Variants in WWOX observed in about 807,000 individuals in gnomAD.
WWOX encodes the protein WW domain containing oxidoreductase.
Under a neutral mutation model 46.2 loss-of-function variants are expected in WWOX, and 69 were observed. That is an observed-to-expected ratio of 1.49 (90% CI 1.23 to 1.82). The LOEUF (loss-of-function observed/expected upper bound fraction) is 1.82, where lower values mean the gene tolerates loss of function less well. Ranked by LOEUF, WWOX falls within the 40% of genes most tolerant of loss-of-function variation. WWOX has a pLI of 0.00. For missense variants in WWOX, 919 were observed against 542.6 expected (o/e 1.69, Z -6.89); for synonymous variants, 359 against 202.6 (o/e 1.77, Z -6.56).
intron 1 of WWOX, among the ~76,000 whole-genome samples, chr16:78,108,073 C>A (rs2032262377): frequency 1.3e-5 from 2 of 151,800 alleles, no homozygotes; most frequent in Non-Finnish European, 2.9e-5. Context: ...GGACTACAGG[C>A]ACGTGCCACT....
At chr16:78,934,140 C>A (rs2045684270) in intron 8 of WWOX, among the ~76,000 whole-genome samples, 1 of 151,764 alleles carries the variant, frequency 6.6e-6, no homozygotes, top group African/African-American at 2.4e-5. Flanking sequence ...TGGAGACCAT[C>A]CTGGCTAACG....
chr16:78,420,336 T>C (rs942261512), intron 6 of WWOX, among the ~76,000 whole-genome samples: 1 of 152,200 alleles, frequency 6.6e-6, no homozygotes, highest in African/African-American at 2.4e-5. Context: ...AGTAGTGATA[T>C]TCCTAATAGC....
intron 8 of WWOX, among the ~76,000 whole-genome samples, chr16:78,836,099 A>T (rs1463636536): frequency 6.6e-6 from 1 of 152,242 alleles, no homozygotes; most frequent in African/African-American, 2.4e-5. Context: ...CCTTGTATGC[A>T]CACATGAGAA....
intron 4 of WWOX, among the ~76,000 whole-genome samples, chr16:78,152,728 C>G (rs2034460779): frequency 1.3e-5 from 2 of 152,206 alleles, no homozygotes; most frequent in African/African-American, 4.8e-5. Flanking sequence ...TAGTAGCCAG[C>G]CTGGGGTCAG....
intron 8 of WWOX, among the ~76,000 whole-genome samples, chr16:79,055,246 G>C (rs575886238): frequency 2.0e-5 from 3 of 151,728 alleles, no homozygotes; most frequent in East Asian, 3.9e-4. Flanking sequence ...TGCTTAATTA[G>C]CCAGCCTTTC....
At chr16:78,938,792 G>A (rs1435701637) in intron 8 of WWOX, among the ~76,000 whole-genome samples, 1 of 152,146 alleles carries the variant, frequency 6.6e-6, no homozygotes, top group Non-Finnish European at 1.5e-5. Flanking sequence ...ACCAGATAAA[G>A]TGATAGAGAG....
chr16:78,707,919 G>T (rs551241978), intron 8 of WWOX, among the ~76,000 whole-genome samples: 1 of 151,990 alleles, frequency 6.6e-6, no homozygotes, highest in Non-Finnish European at 1.5e-5. Flanking sequence ...AATGCTATTC[G>T]GTTGGTGCAA....
intron 8 of WWOX, among the ~76,000 whole-genome samples, chr16:78,697,254 T>C (rs2142283867): frequency 6.6e-6 from 1 of 152,348 alleles, no homozygotes; most frequent in Non-Finnish European, 1.5e-5. Context: ...TTTTCCATAG[T>C]GGTTGTACTA....
At chr16:78,653,720 G>C (rs543949588) in intron 8 of WWOX, among the ~76,000 whole-genome samples, 2 of 152,322 alleles carry the variant, frequency 1.3e-5, no homozygotes, top group African/African-American at 4.8e-5. Flanking sequence ...TGATTCAGCT[G>C]TCCTATGGGC....
At chr16:78,633,477 C>T (rs1027274007) in intron 8 of WWOX, among the ~76,000 whole-genome samples, 7 of 152,138 alleles carry the variant, frequency 4.6e-5, no homozygotes, top group African/African-American at 1.4e-4. Flanking sequence ...AACAGAACCA[C>T]GAGTTCAGAA....
chr16:79,196,205 G>C (rs2150819378), intron 8 of WWOX, among the ~76,000 whole-genome samples: 1 of 152,336 alleles, frequency 6.6e-6, no homozygotes, highest in Non-Finnish European at 1.5e-5. Flanking sequence ...CAAGGTGAGA[G>C]ACTCGGAAAT....
intron 8 of WWOX, among the ~76,000 whole-genome samples, chr16:78,627,123 A>C (rs970037245): frequency 2.0e-5 from 3 of 151,962 alleles, no homozygotes; most frequent in Non-Finnish European, 4.4e-5. Context: ...TTTTGTTTTA[A>C]ATAAAAATCA....
chr16:78,621,443 G>T (rs1454499928), intron 8 of WWOX, among the ~76,000 whole-genome samples: 2 of 151,602 alleles, frequency 1.3e-5, no homozygotes, highest in African/African-American at 4.9e-5. Flanking sequence ...TCTTGGAGTT[G>T]CTTATTCTTT....
At chr16:78,913,143 C>G (rs1026262095) in intron 8 of WWOX, among the ~76,000 whole-genome samples, 1 of 151,976 alleles carries the variant, frequency 6.6e-6, no homozygotes, top group East Asian at 1.9e-4. Flanking sequence ...ATTTTGATTT[C>G]GATCATGGCA....
chr16:78,822,713 A>G (rs1406818503), intron 8 of WWOX, among the ~76,000 whole-genome samples: 2 of 152,186 alleles, frequency 1.3e-5, no homozygotes. Flanking sequence ...CAACATCATC[A>G]TTGTTGAATA....
chr16:78,940,659 C>G (rs1331038540), intron 8 of WWOX, among the ~76,000 whole-genome samples: 2 of 141,422 alleles, frequency 1.4e-5, no homozygotes, highest in South Asian at 2.3e-4. Flanking sequence ...GTCTTTCTTT[C>G]TTTTCTTAGG....
At chr16:78,570,307 G>T (rs1236077446) in intron 8 of WWOX, among the ~76,000 whole-genome samples, 1 of 152,082 alleles carries the variant, frequency 6.6e-6, no homozygotes, top group Admixed American at 6.6e-5. Flanking sequence ...CTGAAACATT[G>T]GTAGTAGATG....
chr16:78,979,383 T>G (rs1028170298), intron 8 of WWOX, among the ~76,000 whole-genome samples: 3 of 152,140 alleles, frequency 2.0e-5, no homozygotes, highest in South Asian at 2.1e-4. Flanking sequence ...GTTATTAACA[T>G]CAGCAGCAGC....
At chr16:79,168,400 T>C (rs2150763666) in intron 8 of WWOX, among the ~76,000 whole-genome samples, 1 of 152,330 alleles carries the variant, frequency 6.6e-6, no homozygotes, top group South Asian at 2.1e-4. Flanking sequence ...TTTCATTAAG[T>C]TCATTTCTGC....
Sources: allele counts gnomAD v4.1 joint callset (sites outside exome capture counted in the v4.1 genomes callset), GRCh38; gene constraint gnomAD v4.1.1; transcripts MANE v1.5; gene names NCBI Gene and HGNC (gene_info 2026-07-23, HGNC 2026-07-21).